GOLM1: variants seen among roughly 807,000 people sequenced by gnomAD.
The protein encoded by GOLM1 is epididymis luminal protein 46.
In GOLM1, 31 loss-of-function variants were observed where a neutral mutation model predicts 50.5. That is an observed-to-expected ratio of 0.61 (90% CI 0.46 to 0.83). GOLM1 has a LOEUF of 0.83. GOLM1 is among the 40% of genes least tolerant of loss of function. The probability of loss-of-function intolerance (pLI) is 0.00; values close to 1 mark genes in which losing one functional copy is unlikely to be tolerated. For synonymous variants in GOLM1, 178 were observed against 192.8 expected (o/e 0.92, Z 0.64); for missense variants, 491 against 501.3 (o/e 0.98, Z 0.20).
chr9:86,076,134 T>C (rs1273418769), intron 3 of GOLM1, among the ~76,000 whole-genome samples: 1 of 152,040 alleles, frequency 6.6e-6, no homozygotes, highest in Admixed American at 6.6e-5. Context: ...GCCAAATTTT[T>C]CAGGCCAGGT....
At chr9:86,045,304 T>C (rs1032612953) in intron 5 of GOLM1, among the ~76,000 whole-genome samples, 1 of 151,498 alleles carries the variant, frequency 6.6e-6, no homozygotes, top group African/African-American at 2.4e-5. Context: ...TGAGCTGAGA[T>C]TGCACCGCTG....
intron 1 of GOLM1, among the ~76,000 whole-genome samples, chr9:86,085,685 T>C (rs77577830): frequency 1.3e-5 from 2 of 152,122 alleles, no homozygotes; most frequent in East Asian, 3.9e-4. Flanking sequence ...CCTGTGTCCA[T>C]GTTTTCTCAT....
At chr9:86,031,925 C>CAAAAAAAAAAAAAAAAA (rs1043805404) in intron 9 of GOLM1, among the ~76,000 whole-genome samples, 1 of 36,054 alleles carries the variant, frequency 2.8e-5, no homozygotes, top group Non-Finnish European at 5.7e-5. Context: ...GACTCCATCT[C>CAAAAAAAAAAAAAAAAA]AAAAAAAAAA....
chr9:86,081,812 C>T (rs1388601527), intron 1 of GOLM1, among the ~76,000 whole-genome samples: 1 of 151,410 alleles, frequency 6.6e-6, no homozygotes, highest in Non-Finnish European at 1.5e-5. Context: ...AAGCTTGAAC[C>T]CATGAGGCGG....
In GOLM1 at chr9:86,035,640, C is replaced by T. The variant is rs1411960761; in HGVS notation, c.758-15G>A. 1 of 1,313,858 alleles carries T rather than the reference C, an allele frequency of 7.6e-7. No homozygotes were observed. Among genetic ancestry groups the T allele is most frequent in the Non-Finnish European group, 1.1e-6 (1 of 941,106 alleles). The allele number at this position is 1,313,858 out of a possible 1,614,324, so 81.4% of individuals were successfully genotyped here. On this transcript the variant is annotated splice_polypyrimidine_tract_variant and intron_variant, in intron 7 of 9. Coordinates refer to ENST00000388712, the MANE Select transcript of GOLM1 (RefSeq NM_016548.4). ...ATTGGTTTCCTCTGTGCACAGAACA[C>T]AGTTAGCTGTGACCTTGCCAGCATT...
intron 1 of GOLM1, among the ~76,000 whole-genome samples, chr9:86,089,532 T>C (rs1587742702): frequency 1.3e-5 from 2 of 152,256 alleles, no homozygotes; most frequent in African/African-American, 2.4e-5. Flanking sequence ...ATATCCTTTC[T>C]TCCGCTTGAC....
chr9:86,047,957 C>T (rs751760548), intron 4 of GOLM1, among the ~76,000 whole-genome samples: 1 of 152,070 alleles, frequency 6.6e-6, no homozygotes, highest in Non-Finnish European at 1.5e-5. Flanking sequence ...TATACATGTG[C>T]CATGTTGGTG....
chr9:86,060,878 A>C (rs868629060), intron 3 of GOLM1, among the ~76,000 whole-genome samples: 7 of 66,628 alleles, frequency 1.1e-4, no homozygotes, highest in African/African-American at 5.5e-4. Context: ...AACTCTCTCA[A>C]AAAAAAAAAA....
chr9:86,054,185 T>TG (rs1833915076), intron 3 of GOLM1, among the ~76,000 whole-genome samples: 2 of 151,712 alleles, frequency 1.3e-5, no homozygotes, highest in Admixed American at 6.6e-5. Flanking sequence ...TCAAGCTCAA[T>TG]GTAACAACTG....
intron 1 of GOLM1, among the ~76,000 whole-genome samples, chr9:86,087,803 T>C (rs1370385286): frequency 1.3e-5 from 2 of 152,216 alleles, no homozygotes; most frequent in Non-Finnish European, 2.9e-5. Flanking sequence ...TTGATTGTAG[T>C]GGATAAGCTT....
intron 3 of GOLM1, among the ~76,000 whole-genome samples, chr9:86,053,672 G>C (rs1462255291): frequency 7.4e-3 from 24 of 3,230 alleles, no homozygotes; most frequent in South Asian, 9.8e-3. Context: ...TCCACACACG[G>C]CACACCACTC....
intron 6 of GOLM1, among the ~76,000 whole-genome samples, chr9:86,040,107 A>T (rs1833288363): frequency 6.6e-6 from 1 of 152,046 alleles, no homozygotes; most frequent in South Asian, 2.1e-4. Context: ...CTGAAGAGAG[A>T]ACTAAGGGAT....
intron 3 of GOLM1, among the ~76,000 whole-genome samples, chr9:86,077,187 CT>C (rs1397593049): frequency 2.0e-5 from 3 of 152,152 alleles, no homozygotes; most frequent in Admixed American, 2.0e-4. Flanking sequence ...AATTGTTCTT[CT>C]GCATTTCTCC....
chr9:86,086,413 G>T lies in GOLM1; in HGVS notation c.-21-7072C>A, dbSNP rs1451042889. ...AAAGTTTTCTCCTATTCTGTAGGCT[G>T]CCTGTTCACTCTGATGATAGCCTCT... is the stretch of plus-strand genomic sequence containing the variant. On this transcript the variant is annotated intron_variant, in intron 1 of 9. Coordinates refer to ENST00000388712, the MANE Select transcript of GOLM1 (RefSeq NM_016548.4). Among the ~76,000 whole-genome samples the T allele has an allele frequency of 2.0e-5, 3 of 151,966 alleles. No homozygotes were observed. In the East Asian group the frequency reaches 5.8e-4, roughly 29 times the overall value.
At chr9:86,039,366 T>A (rs1587700051) in intron 6 of GOLM1, among the ~76,000 whole-genome samples, 3 of 152,288 alleles carry the variant, frequency 2.0e-5, no homozygotes, top group Admixed American at 2.0e-4. Context: ...TCGAAAATGG[T>A]ATGGCCACTT....
At chr9:86,032,853 A>G (rs1206681094) in intron 9 of GOLM1, among the ~76,000 whole-genome samples, 1 of 152,226 alleles carries the variant, frequency 6.6e-6, no homozygotes, top group East Asian at 1.9e-4. Flanking sequence ...ATTCTACAAG[A>G]TACTGGCCTG....
chr9:86,058,445 A>T (rs752262565), intron 3 of GOLM1, among the ~76,000 whole-genome samples: 5 of 152,150 alleles, frequency 3.3e-5, no homozygotes, highest in Non-Finnish European at 5.9e-5. Context: ...GCGGTGGCTC[A>T]TGCCTGTAAT....
chr9:86,039,390 G>C (rs1833256044), intron 6 of GOLM1, among the ~76,000 whole-genome samples: 1 of 152,158 alleles, frequency 6.6e-6, no homozygotes, highest in Admixed American at 6.5e-5. Flanking sequence ...AAGAAGTCTG[G>C]GAGTTCCTCA....
In GOLM1 at chr9:86,040,794, C is replaced by T. The variant is rs144749820; in HGVS notation, c.542G>A (p.Gly181Glu). The change falls in exon 6 of 10, where the codon GGG becomes GAG. Residue 181 changes from glycine to glutamate, a missense_variant. By Grantham distance (98) the Gly-to-Glu change is moderately conservative. Coordinates refer to ENST00000388712, the MANE Select transcript of GOLM1 (RefSeq NM_016548.4). ...EERIEEVTKKGNEAVASRDLS... is the reference protein window; with the variant it reads ...EERIEEVTKKENEAVASRDLS... ...GTCTCTGGAAGCTACAGCTTCATTC[C>T]CCTTTTTGGTGACCTCTTCTATTCG... The T allele has an allele frequency of 1.9e-6, 3 of 1,613,734 alleles. No homozygotes were observed. Among genetic ancestry groups the T allele is most frequent in the Non-Finnish European group, 2.5e-6 (3 of 1,179,726 alleles).
Sources: gnomAD v4.1 joint callset for allele counts (sites outside exome capture counted in the v4.1 genomes callset) on GRCh38, gnomAD v4.1.1 for gene constraint, MANE v1.5 for transcripts, NCBI Gene and HGNC (gene_info 2026-07-23, HGNC 2026-07-21) for gene names.